The following ACOT11 variants were observed in gnomAD, a reference collection of about 807,000 sequenced individuals.
ACOT11 encodes acyl-CoA thioesterase 11, also known as acyl-coenzyme A thioesterase 11.
ACOT11 carries 69 observed loss-of-function variants against 77.5 expected under a neutral mutation model. The ratio of observed to expected loss-of-function variants is 0.89; its 90% CI spans 0.73 to 1.09. ACOT11 has a LOEUF of 1.09. Among genes scored for constraint, ACOT11 ranks in the 50% least tolerant of loss-of-function variants. The probability of loss-of-function intolerance (pLI) is 0.00; values close to 1 mark genes in which losing one functional copy is unlikely to be tolerated. For synonymous variants in ACOT11, 279 were observed against 313.0 expected, an observed-to-expected ratio of 0.89 and a Z score of 1.15; for missense variants, 766 against 813.7, an observed-to-expected ratio of 0.94 and a Z score of 0.71.
intron 15 of ACOT11, among the ~76,000 whole-genome samples, chr1:54,621,231 C>T (rs1644227512): frequency 6.6e-6 from 1 of 150,596 alleles, no homozygotes; most frequent in African/African-American, 2.4e-5. Flanking sequence ...CCGAGGCAGG[C>T]GGATCACCTG....
At chr1:54,580,862 C>T (rs300267) in intron 1 of ACOT11, among the ~76,000 whole-genome samples, 89,068 of 152,032 alleles carry the variant, frequency 0.59, 26,240 homozygotes, top group Non-Finnish European at 0.61. Context: ...AGCAGACAGG[C>T]GCAGATAAAC....
chr1:54,562,501 C>T (rs1237822146), intron 1 of ACOT11, among the ~76,000 whole-genome samples: 6 of 97,064 alleles, frequency 6.2e-5, no homozygotes, highest in African/African-American at 1.4e-4. Context: ...GGCTGACCCC[C>T]CCACCTCCCT....
chr1:54,611,673 G>A, downstream of ACOT11: 1 of 1,614,096 alleles, frequency 6.2e-7, no homozygotes, highest in Non-Finnish European at 8.5e-7. Flanking sequence ...GGACAGCAGT[G>A]TTATCCCGGA....
chr1:54,616,026 G>C lies in ACOT11; in HGVS notation c.1629+7958G>C, dbSNP rs747541842. Reference sequence around the variant, plus strand: ...TTTCCAGAGAGGCCCTTACCCTTTTGGGAAGAGCCCAGCACAGCGTCCAGC... The same window carrying C: ...TTTCCAGAGAGGCCCTTACCCTTTTCGGAAGAGCCCAGCACAGCGTCCAGC... On this transcript the variant is annotated intron_variant, in intron 15 of 16. Coordinates refer to the ACOT11 transcript ENST00000371316. The C allele has an allele frequency of 1.9e-6, 3 of 1,613,720 alleles. No individual in the cohort carries two copies. The Admixed American group carries it at 5.0e-5, about 27-fold the overall frequency.
Position 54,602,700 on chromosome 1 carries a change from C to T in ACOT11, c.1061C>T (p.Ala354Val), listed in dbSNP as rs867078336. ...DGERRYREAS[A>V]RKKIRLDRKY... ...GAGCGGCGGTACCGAGAGGCCAGTG[C>T]CAGAAAGAAGATCCGCCTGGACAGG... The change falls in exon 10 of 16, where the codon GCC (alanine) becomes GTC (valine). Residue 354 changes from alanine (A) to valine (V), a missense_variant. Physicochemically the swap from Ala to Val is moderately conservative, Grantham distance 64. Coordinates refer to ENST00000343744, the MANE Select transcript of ACOT11 (RefSeq NM_147161.4). 2 of 1,556,226 alleles carry T rather than the reference C, an allele frequency of 1.3e-6. No individual in the cohort carries two copies. Among genetic ancestry groups the T allele is most frequent in the Non-Finnish European group, 1.7e-6 (2 of 1,152,324 alleles).
intron 8 of ACOT11, 88 bp from the exon 9 acceptor site, chr1:54,601,161 GTGTGTGGGCGCATGTGTGCA>G: frequency 7.4e-7 from 1 of 1,343,658 alleles, no homozygotes; most frequent in South Asian, 1.3e-5. Context: ...GTGCATGCAT[GTGTGTGGGCGCATGTGTGCA>G]TGTGTGTGTG....
chr1:54,618,440 G>C (rs953954807), intron 15 of ACOT11, among the ~76,000 whole-genome samples: 1 of 152,160 alleles, frequency 6.6e-6, no homozygotes, highest in Non-Finnish European at 1.5e-5. Context: ...GGGAGGTGGA[G>C]GTTGCAGTGA....
In ACOT11 at chr1:54,601,118, T is replaced by G. The variant is rs1259086963; in HGVS notation, c.885-151T>G. 7 of 271,502 alleles carry G rather than the reference T, an allele frequency of 2.6e-5. 2 individuals carry two copies. The highest frequency in any genetic ancestry group is 1.5e-5 in the Non-Finnish European group (2 of 136,022). The allele number at this position is 271,502 out of a possible 1,614,324, so 16.8% of individuals were successfully genotyped here. ...ATGTGTGTGTATGTGTGTGCATACA[T>G]GTGTGTGTATGTGTGTGCATACGTG... On this transcript the variant is annotated intron_variant, in intron 8 of 15. Coordinates refer to ENST00000343744, the MANE Select transcript of ACOT11 (RefSeq NM_147161.4).
intron 1 of ACOT11, among the ~76,000 whole-genome samples, chr1:54,563,533 A>C (rs543781302): frequency 3.9e-5 from 6 of 152,376 alleles, no homozygotes; most frequent in African/African-American, 1.4e-4. Context: ...GTAGGTGCTT[A>C]GTAAGGATGC....
At chr1:54,601,857 C>T (rs1323424153) in intron 9 of ACOT11, among the ~76,000 whole-genome samples, 1 of 152,246 alleles carries the variant, frequency 6.6e-6, no homozygotes, top group Non-Finnish European at 1.5e-5. Flanking sequence ...TGGCTGCGCC[C>T]TGGGAGCGGT....
chr1:54,590,757 CT>C (rs569013684), intron 3 of ACOT11, among the ~76,000 whole-genome samples: 5 of 152,104 alleles, frequency 3.3e-5, no homozygotes, highest in Admixed American at 3.3e-4. Context: ...AATACATATA[CT>C]TTTTTTCTTG....
At chr1:54,551,143 A>G (rs1342924081) in intron 1 of ACOT11, among the ~76,000 whole-genome samples, 3 of 151,570 alleles carry the variant, frequency 2.0e-5, no homozygotes, top group African/African-American at 4.9e-5. Flanking sequence ...AAAAAAAAAA[A>G]AAAAAAGAAA....
chr1:54,553,594 T>C (rs1183767030), intron 1 of ACOT11, among the ~76,000 whole-genome samples: 1 of 152,178 alleles, frequency 6.6e-6, no homozygotes, highest in Non-Finnish European at 1.5e-5. Flanking sequence ...TTACCTCACA[T>C]AGTTTTCATT....
downstream of ACOT11, chr1:54,611,624 G>A (rs868573711): frequency 9.3e-6 from 15 of 1,613,976 alleles, no homozygotes; most frequent in Middle Eastern, 2.5e-3. Context: ...TGCTTGAACT[G>A]TGACAGGAGA....
chr1:54,569,730 C>A (rs763180246), intron 1 of ACOT11, among the ~76,000 whole-genome samples: 2 of 152,174 alleles, frequency 1.3e-5, no homozygotes, highest in Non-Finnish European at 2.9e-5. Context: ...CCATAAACAA[C>A]TATTAAGCTG....
At chr1:54,548,494 C>A in intron 1 of ACOT11, 152 bp downstream of exon 1, 6 of 996,446 alleles carry the variant, frequency 6.0e-6, no homozygotes, top group Non-Finnish European at 7.4e-6. Flanking sequence ...AATCGCAGAA[C>A]CCCTGGGCTG....
chr1:54,586,972 C>T (rs1325803863), intron 3 of ACOT11, among the ~76,000 whole-genome samples: 1 of 152,170 alleles, frequency 6.6e-6, no homozygotes, highest in African/African-American at 2.4e-5. Context: ...TTATTCAGGA[C>T]TCACTGGGTG....
In ACOT11 at chr1:54,605,170, C is replaced by A. The variant is rs1247004367; in HGVS notation, c.1331C>A (p.Ser444Ter). The A allele has an allele frequency of 2.5e-6, 4 of 1,613,716 alleles. No homozygotes were observed. In the African/African-American group the frequency reaches 4.0e-5, roughly 16 times the overall value. The change falls in exon 13 of 16, where the codon TCG becomes TAG. Residue 444 changes from serine to a stop codon, truncating the protein, a stop_gained. Transcript: ENST00000343744. LOFTEE classifies it high-confidence loss of function. Reference sequence around the variant, plus strand: ...GCAGCCCAGGCCTTCCTGCTGCTCTCGGACCTGCGTCAGAGGCCAGAGTGG... The same window carrying A: ...GCAGCCCAGGCCTTCCTGCTGCTCTAGGACCTGCGTCAGAGGCCAGAGTGG... The part of the protein sequence containing the change: ...VDAAQAFLLL[S>*]DLRQRPEWDK...
chr1:54,594,627 G>T lies in ACOT11; in HGVS notation c.543G>T (p.Arg181=), dbSNP rs770756304. ...KMEHSVAAER[R]RMRLVYADTI... is the part of the protein sequence containing the mutation. ...AGCACAGTGTGGCGGCTGAGCGCCG[G>T]CGCATGCGCCTTGTCTATGCAGACA... The change falls in exon 6 of 16, where the codon CGG becomes CGT. Residue 181 remains arginine (R), a synonymous_variant. Transcript: ENST00000343744. 3 of 1,614,150 alleles carry T rather than the reference G, an allele frequency of 1.9e-6. No homozygotes were observed. Among genetic ancestry groups the T allele is most frequent in the East Asian group, 2.2e-5 (1 of 44,890 alleles).
Sources: gnomAD v4.1 joint callset for allele counts (sites outside exome capture counted in the v4.1 genomes callset) on GRCh38, gnomAD v4.1.1 for gene constraint, MANE v1.5 for transcripts, NCBI Gene and HGNC (gene_info 2026-07-23, HGNC 2026-07-21) for gene names.